The following NUP98 variants were observed in gnomAD, a reference collection of about 807,000 sequenced individuals.
NUP98 encodes nuclear pore complex protein Nup98-Nup96.
In NUP98, 26 loss-of-function variants were observed where a neutral mutation model predicts 191.9. The ratio of observed to expected loss-of-function variants is 0.14; its 90% CI spans 0.10 to 0.19. NUP98 has a LOEUF of 0.19. Ranked by LOEUF, NUP98 falls within the 10% of genes least tolerant of loss-of-function variation. The pLI, the probability that NUP98 is intolerant of heterozygous loss-of-function variation, is 1.00. For synonymous variants in NUP98, 808 were observed against 778.4 expected, an observed-to-expected ratio of 1.04 and a Z score of -0.63; for missense variants, 1,941 against 2,178.8, an observed-to-expected ratio of 0.89 and a Z score of 2.17.
At chr11:3,688,663 C>A (rs12226275) in intron 28 of NUP98, among the ~76,000 whole-genome samples, 7,579 of 149,240 alleles carry the variant, frequency 0.051, 418 homozygotes, top group South Asian at 0.16. Flanking sequence ...GGCTTTGTGG[C>A]GCATGCCTGT....
intron 22 of NUP98, among the ~76,000 whole-genome samples, chr11:3,703,836 A>T (rs1488332292): frequency 6.6e-6 from 1 of 152,156 alleles, no homozygotes; most frequent in Non-Finnish European, 1.5e-5. Context: ...AATTTTTTTA[A>T]CATTTAAATT....
intron 12 of NUP98, among the ~76,000 whole-genome samples, chr11:3,735,922 G>A (rs369063441): frequency 8.4e-4 from 45 of 53,458 alleles, no homozygotes; most frequent in East Asian, 3.9e-3. Context: ...GTGTTTGTGC[G>A]TGTACACACA....
At chr11:3,713,537 T>C (rs2079082715) in intron 19 of NUP98, among the ~76,000 whole-genome samples, 2 of 152,160 alleles carry the variant, frequency 1.3e-5, no homozygotes, top group African/African-American at 2.4e-5. Context: ...TGGTCAACAC[T>C]GAGAAACTCG....
At chr11:3,708,724 TAAAA>T (rs201767459) in intron 20 of NUP98, among the ~76,000 whole-genome samples, 2 of 123,838 alleles carry the variant, frequency 1.6e-5, no homozygotes, top group South Asian at 2.5e-4. Context: ...AAGGTGTACT[TAAAA>T]AAAAAAAAAA....
intron 1 of NUP98, among the ~76,000 whole-genome samples, chr11:3,787,309 G>A (rs968463206): frequency 1.3e-5 from 2 of 152,136 alleles, no homozygotes; most frequent in African/African-American, 2.4e-5. Flanking sequence ...GGCCGGGCAC[G>A]GTGGCTCAAG....
At chr11:3,766,193 G>T (rs1029844046) in intron 8 of NUP98, among the ~76,000 whole-genome samples, 5 of 152,082 alleles carry the variant, frequency 3.3e-5, no homozygotes, top group African/African-American at 1.2e-4. Context: ...TGGATAACTC[G>T]ATGAAAACCC....
chr11:3,689,316 G>C (rs1400270781), intron 28 of NUP98, among the ~76,000 whole-genome samples: 2 of 152,084 alleles, frequency 1.3e-5, no homozygotes, highest in African/African-American at 4.8e-5. Context: ...CACGAGGTCA[G>C]GAGATCGAGA....
At chr11:3,768,523 C>A in intron 8 of NUP98, 58 bp downstream of exon 8, 1 of 1,404,082 alleles carries the variant, frequency 7.1e-7, no homozygotes, top group Admixed American at 2.4e-5. Context: ...TGATTAGAAT[C>A]CTCATTACTT....
At chr11:3,740,127 G>GT (rs1384563481) in intron 12 of NUP98, among the ~76,000 whole-genome samples, 2 of 152,094 alleles carry the variant, frequency 1.3e-5, no homozygotes, top group East Asian at 3.8e-4. Flanking sequence ...CAAATGACGC[G>GT]TATCTACCTT....
At chr11:3,705,562 T>C (rs1001044290) in intron 21 of NUP98, among the ~76,000 whole-genome samples, 1 of 152,220 alleles carries the variant, frequency 6.6e-6, no homozygotes, top group Non-Finnish European at 1.5e-5. Context: ...TTTGTATCTA[T>C]AGCGTCTCAC....
Position 3,776,660 on chromosome 11 carries a change from A to AT in NUP98, c.356-640dup, listed in dbSNP as rs1324915623. On this transcript the variant is annotated intron_variant, in intron 4 of 32. Transcript: ENST00000324932. The stretch of plus-strand genomic sequence containing the variant: ...CCACCAAACCCGGCTAATTTTTTGT[A>AT]TTTTTTTTTTTTAAGTAGAGATGGG... Among the ~76,000 whole-genome samples the AT allele has an allele frequency of 6.6e-3, 934 of 140,826 alleles. 8 individuals are homozygous for AT. Among genetic ancestry groups the AT allele is most frequent in the Admixed American group, 0.01 (142 of 14,014 alleles). 92.4% of individuals were successfully genotyped at this position (140,826 alleles called of 152,430 possible).
At chr11:3,775,515 A>C (rs1208058974) in intron 5 of NUP98, among the ~76,000 whole-genome samples, 1 of 151,960 alleles carries the variant, frequency 6.6e-6, no homozygotes, top group Non-Finnish European at 1.5e-5. Context: ...CAGCCTGGGC[A>C]ACAAGAGCGA....
At chr11:3,723,007 C>G (rs2079461655) in intron 16 of NUP98, 150 bp downstream of exon 16, 1 of 677,460 alleles carries the variant, frequency 1.5e-6, no homozygotes, top group African/African-American at 1.8e-5. Flanking sequence ...AAGCATAAAA[C>G]TGTTTAAATA....
At chr11:3,693,740 G>C (rs1360335509) in intron 26 of NUP98, among the ~76,000 whole-genome samples, 1 of 152,188 alleles carries the variant, frequency 6.6e-6, no homozygotes, top group Non-Finnish European at 1.5e-5. Flanking sequence ...GAGAGCCATT[G>C]AGAGCAGAGA....
intron 12 of NUP98, among the ~76,000 whole-genome samples, chr11:3,741,562 A>G (rs1011107178): frequency 2.0e-5 from 3 of 152,126 alleles, no homozygotes. Context: ...CGGATATAGA[A>G]GTGAGCCGAG....
chr11:3,767,244 A>G (rs1484276239), intron 8 of NUP98, among the ~76,000 whole-genome samples: 2 of 151,674 alleles, frequency 1.3e-5, no homozygotes, highest in African/African-American at 2.4e-5. Flanking sequence ...TACAGGCAGG[A>G]GCCAGCATGC....
At chr11:3,778,198 CAAAAAAAAA>C (rs71302029) in intron 4 of NUP98, among the ~76,000 whole-genome samples, 1 of 60,542 alleles carries the variant, frequency 1.7e-5, no homozygotes, top group African/African-American at 5.9e-5. Flanking sequence ...GACTCCATCT[CAAAAAAAAA>C]AAAAAAAAAA....
chr11:3,704,378 A>G (rs1471031092), intron 22 of NUP98, among the ~76,000 whole-genome samples: 2 of 152,240 alleles, frequency 1.3e-5, no homozygotes, highest in Non-Finnish European at 2.9e-5. Context: ...GCCCACTAGA[A>G]AAGAGAAAAC....
chr11:3,693,442 C>A, intron 26 of NUP98, 67 bp from the exon 27 acceptor site: 1 of 1,462,190 alleles, frequency 6.8e-7, no homozygotes, highest in Non-Finnish European at 9.5e-7. Flanking sequence ...TGCAATAACA[C>A]TGAAGTGAAT....
Sources: allele counts gnomAD v4.1 joint callset (sites outside exome capture counted in the v4.1 genomes callset), GRCh38; gene constraint gnomAD v4.1.1; transcripts MANE v1.5; gene names NCBI Gene and HGNC (gene_info 2026-07-23, HGNC 2026-07-21).